KCNQ5: variants seen among roughly 807,000 people sequenced by gnomAD.
The protein encoded by KCNQ5 is potassium voltage-gated channel subfamily Q member 5.
Under a neutral mutation model 98.2 loss-of-function variants are expected in KCNQ5, and 30 were observed. The ratio of observed to expected loss-of-function variants is 0.31; its 90% CI spans 0.23 to 0.41. The LOEUF is 0.41. Among genes scored for constraint, KCNQ5 ranks in the 10% least tolerant of loss-of-function variants. KCNQ5 has a pLI of 1.00. For missense variants in KCNQ5, 835 were observed against 1,182.5 expected (o/e 0.71, Z 4.31); for synonymous variants, 458 against 449.4 (o/e 1.02, Z -0.24).
At chr6:72,732,773 A>G (rs1319316214) in intron 1 of KCNQ5, among the ~76,000 whole-genome samples, 1 of 152,204 alleles carries the variant, frequency 6.6e-6, no homozygotes, top group East Asian at 1.9e-4. Context: ...AAAGAGTACT[A>G]AAGAGGCACA....
chr6:72,934,030 A>T (rs1303367574), intron 1 of KCNQ5, among the ~76,000 whole-genome samples: 2 of 152,240 alleles, frequency 1.3e-5, no homozygotes, highest in East Asian at 3.8e-4. Flanking sequence ...ACTACACTCC[A>T]GCCTGGGCAA....
chr6:72,761,755 T>C (rs1170380836), intron 1 of KCNQ5, among the ~76,000 whole-genome samples: 1 of 152,116 alleles, frequency 6.6e-6, no homozygotes, highest in Non-Finnish European at 1.5e-5. Context: ...GTATTTTACA[T>C]CTTTAAGTAA....
intron 1 of KCNQ5, among the ~76,000 whole-genome samples, chr6:72,845,058 T>TA (rs1426534810): frequency 2.0e-5 from 3 of 152,222 alleles, no homozygotes; most frequent in African/African-American, 7.2e-5. Context: ...GGATCAATCT[T>TA]AAACTAAAAC....
rs543859762 is a variant in KCNQ5, at chr6:73,116,280, G to A, written c.1126-4203G>A. On this transcript the variant is annotated intron_variant, in intron 7 of 13. Coordinates refer to ENST00000370398, the MANE Select transcript of KCNQ5 (RefSeq NM_019842.4). ...GGAGGGGAAGAGGGCATGTAAGTGG[G>A]CAATATCATTATCGTTCAGGATAGG... is the stretch of plus-strand genomic sequence containing the variant. Among the ~76,000 whole-genome samples, 259 of 152,248 alleles carry A rather than the reference G, an allele frequency of 1.7e-3. 1 individual carries two copies. The highest frequency in any genetic ancestry group is 5.8e-3 in the African/African-American group (241 of 41,556).
chr6:72,638,525 T>C (rs1211570450), intron 1 of KCNQ5, among the ~76,000 whole-genome samples: 1 of 152,158 alleles, frequency 6.6e-6, no homozygotes, highest in Non-Finnish European at 1.5e-5. Context: ...CATCACGTTG[T>C]ACTGGAGAAG....
chr6:72,754,757 A>G lies in KCNQ5; in HGVS notation c.398+132170A>G, dbSNP rs1771873616. Among the ~76,000 whole-genome samples the G allele has an allele frequency of 2.0e-5, 3 of 152,152 alleles. No individual in the cohort carries two copies. In the South Asian group the frequency reaches 6.2e-4, roughly 32 times the overall value. ...GGTGAATGTTCAATGTACACATGAA[A>G]ACAATGTTTATCCTTTTAATATAGG... On this transcript the variant is annotated intron_variant, in intron 1 of 13. Transcript: ENST00000370398.
At chr6:73,098,421 G>A (rs1026489891) in intron 5 of KCNQ5, among the ~76,000 whole-genome samples, 6 of 152,132 alleles carry the variant, frequency 3.9e-5, no homozygotes, top group African/African-American at 1.4e-4. Context: ...GAAGGCTATA[G>A]AACACCAAAC....
rs143431683 is a variant in KCNQ5, at chr6:72,925,125, A to G, written c.399-78783A>G. On this transcript the variant is annotated intron_variant, in intron 1 of 13. Coordinates refer to ENST00000370398, the MANE Select transcript of KCNQ5 (RefSeq NM_019842.4). ...CTCAGTAAAACATTAGCACCTCTTA[A>G]TAAAGGGAATAATTGAGTGATTTTT... Among the ~76,000 whole-genome samples the G allele has an allele frequency of 1.0e-3, 153 of 152,272 alleles. 1 individual carries two copies. Among genetic ancestry groups the G allele is most frequent in the African/African-American group, 3.3e-3 (138 of 41,556 alleles).
At chr6:73,050,032 A>G (rs1772148160) in intron 3 of KCNQ5, among the ~76,000 whole-genome samples, 1 of 152,064 alleles carries the variant, frequency 6.6e-6, no homozygotes, top group Admixed American at 6.6e-5. Flanking sequence ...CTACAAAAAA[A>G]ACAAACAAAA....
chr6:72,772,607 G>A (rs1275070424), intron 1 of KCNQ5, among the ~76,000 whole-genome samples: 1 of 151,994 alleles, frequency 6.6e-6, no homozygotes, highest in Non-Finnish European at 1.5e-5. Flanking sequence ...AGAGAATGTA[G>A]GGAAAGTGCT....
intron 1 of KCNQ5, among the ~76,000 whole-genome samples, chr6:72,824,201 CA>C (rs1245303119): frequency 6.6e-6 from 1 of 151,954 alleles, no homozygotes; most frequent in East Asian, 1.9e-4. Context: ...AAATTAATCA[CA>C]AGTGCCATAC....
At chr6:73,118,856 A>G (rs1775623520) in intron 7 of KCNQ5, among the ~76,000 whole-genome samples, 1 of 152,096 alleles carries the variant, frequency 6.6e-6, no homozygotes, top group Non-Finnish European at 1.5e-5. Flanking sequence ...CCCTGTCTCT[A>G]CTAAAAATAC....
At chr6:72,947,827 C>G (rs1027280683) in intron 1 of KCNQ5, among the ~76,000 whole-genome samples, 2 of 152,072 alleles carry the variant, frequency 1.3e-5, no homozygotes, top group Non-Finnish European at 2.9e-5. Context: ...GAAAGTTATA[C>G]AGATAAGTGA....
intron 1 of KCNQ5, among the ~76,000 whole-genome samples, chr6:72,917,414 TG>T (rs1780192499): frequency 6.6e-6 from 1 of 151,168 alleles, no homozygotes; most frequent in Non-Finnish European, 1.5e-5. Flanking sequence ...GAACAGATTC[TG>T]GGGGATTTAG....
chr6:73,153,482 A>G (rs1333023693), intron 10 of KCNQ5, among the ~76,000 whole-genome samples: 1 of 152,190 alleles, frequency 6.6e-6, no homozygotes, highest in Non-Finnish European at 1.5e-5. Context: ...GTGCTGAATC[A>G]CAGCATAAAC....
At chr6:72,841,107 A>G (rs1408261718) in intron 1 of KCNQ5, among the ~76,000 whole-genome samples, 1 of 152,190 alleles carries the variant, frequency 6.6e-6, no homozygotes, top group East Asian at 1.9e-4. Context: ...AATCTCACCT[A>G]CTGCCTCAGT....
At chr6:72,835,580 A>G (rs1776471012) in intron 1 of KCNQ5, among the ~76,000 whole-genome samples, 1 of 152,220 alleles carries the variant, frequency 6.6e-6, no homozygotes, top group East Asian at 1.9e-4. Flanking sequence ...TTATTATAAT[A>G]CATGGAGTGA....
intron 2 of KCNQ5, among the ~76,000 whole-genome samples, chr6:73,027,817 T>C (rs182011909): frequency 2.0e-5 from 3 of 152,300 alleles, no homozygotes; most frequent in African/African-American, 7.2e-5. Flanking sequence ...AGTGATGAAT[T>C]GTATTAGTGT....
rs1449548031 is a variant in KCNQ5, at chr6:73,157,437, G to GGGCGGT, written c.1469-12306_1469-12301dup. ...CTCTGCACAGGCCGCCCGGGGGCGG[G>GGGCGGT]GGCGGTGGGAGCTCAGGGCGCCTGT... On this transcript the variant is annotated intron_variant, in intron 10 of 13. Transcript: ENST00000370398. 3.3e-5 allele frequency: 22 copies of GGGCGGT among 659,330 alleles called. No homozygotes were observed. In the Admixed American group the frequency reaches 3.4e-4, roughly 10 times the overall value. The allele number at this position is 659,330 out of a possible 1,614,324, so 40.8% of individuals were successfully genotyped here.
Sources: gnomAD v4.1 joint callset for allele counts (sites outside exome capture counted in the v4.1 genomes callset) on GRCh38, gnomAD v4.1.1 for gene constraint, MANE v1.5 for transcripts, NCBI Gene and HGNC (gene_info 2026-07-23, HGNC 2026-07-21) for gene names.